TRPM1: variants seen among roughly 807,000 people sequenced by gnomAD.
The protein encoded by TRPM1 is TRPM1-203 APA Isoform, Intron 10.
In TRPM1, 113 loss-of-function variants were observed where a neutral mutation model predicts 149.4. That is an observed-to-expected ratio of 0.76 (90% CI 0.65 to 0.88). TRPM1 has a LOEUF of 0.88. Ranked by LOEUF, TRPM1 falls within the 40% of genes least tolerant of loss-of-function variation. The probability of loss-of-function intolerance (pLI) is 0.00; values close to 1 mark genes in which losing one functional copy is unlikely to be tolerated. For missense variants in TRPM1, 1,976 were observed against 2,038.7 expected (o/e 0.97, Z 0.59); for synonymous variants, 741 against 759.5 (o/e 0.98, Z 0.40).
rs186858319 is a variant in TRPM1, at chr15:31,077,547, C to T, written c.4-563G>A. 5.9e-5 allele frequency among the ~76,000 whole-genome samples: 9 copies of T among 152,222 alleles called. No individual in the cohort carries two copies. The East Asian group carries it at 1.5e-3, about 26-fold the overall frequency. On this transcript the variant is annotated intron_variant, in intron 2 of 27. Coordinates refer to ENST00000256552, the MANE Select transcript of TRPM1 (RefSeq NM_001252024.2). ...GTCTGCTTCCCAGGGTTTGTGGAGTCAGTTGGCAGAGAGAGCTGGGGAGAG... is the reference window on the plus strand; with the variant it reads ...GTCTGCTTCCCAGGGTTTGTGGAGTTAGTTGGCAGAGAGAGCTGGGGAGAG...
chr15:31,126,174 T>C (rs1567069936), intron 1 of TRPM1, among the ~76,000 whole-genome samples: 1 of 151,708 alleles, frequency 6.6e-6, no homozygotes, highest in Non-Finnish European at 1.5e-5. Context: ...CAAAACAAAA[T>C]AAACAGAGTA....
At chr15:31,061,751 C>A (rs2034239772) in intron 9 of TRPM1, among the ~76,000 whole-genome samples, 1 of 150,930 alleles carries the variant, frequency 6.6e-6, no homozygotes, top group Middle Eastern at 3.4e-3. Flanking sequence ...ATGGCGCTAT[C>A]TTGGGTCACT....
At chr15:31,107,406 G>A (rs992514205) in intron 1 of TRPM1, among the ~76,000 whole-genome samples, 2 of 152,098 alleles carry the variant, frequency 1.3e-5, no homozygotes, top group Non-Finnish European at 2.9e-5. Context: ...CATTAGTGAT[G>A]CCCCTTTTTC....
intron 2 of TRPM1, among the ~76,000 whole-genome samples, chr15:31,077,898 T>C (rs1288052914): frequency 1.3e-5 from 2 of 151,954 alleles, no homozygotes; most frequent in African/African-American, 4.8e-5. Context: ...TGGTGTTATG[T>C]GTGTGGTATG....
In TRPM1 at chr15:31,067,105, T is replaced by C; in HGVS notation, c.576A>G (p.Pro192=). The change falls in exon 6 of 28, where the codon CCA becomes CCG. Residue 192 remains proline (P), a synonymous_variant. Transcript: ENST00000256552. The stretch of plus-strand genomic sequence containing the variant: ...CTTCCTTATTCTCCACGATGCCCCA[T>C]GGAGCAATTCCTATAGCACAAACCC... ...RGRVCAIGIA[P]WGIVENKEDL... The C allele has an allele frequency of 1.2e-6, 2 of 1,614,168 alleles. No homozygotes were observed. Among genetic ancestry groups the C allele is most frequent in the East Asian group, 2.2e-5 (1 of 44,890 alleles).
At chr15:31,087,820 A>C (rs1167323126) in intron 1 of TRPM1, among the ~76,000 whole-genome samples, 1 of 152,156 alleles carries the variant, frequency 6.6e-6, no homozygotes, top group Non-Finnish European at 1.5e-5. Context: ...ACTGATAGAG[A>C]CAGGAAATGG....
chr15:31,128,043 A>G (rs1233872998), intron 1 of TRPM1, among the ~76,000 whole-genome samples: 2 of 152,086 alleles, frequency 1.3e-5, no homozygotes, highest in East Asian at 3.9e-4. Context: ...CCAGATCTTT[A>G]TTATCTGGAC....
chr15:31,125,107 G>A (rs904723841), intron 1 of TRPM1, among the ~76,000 whole-genome samples: 2 of 152,052 alleles, frequency 1.3e-5, no homozygotes, highest in African/African-American at 4.8e-5. Context: ...CCTGGGAGGC[G>A]GAGGAGGTTG....
At chr15:31,142,111 CA>C (rs2036170353) in intron 1 of TRPM1, among the ~76,000 whole-genome samples, 1 of 152,120 alleles carries the variant, frequency 6.6e-6, no homozygotes, top group Non-Finnish European at 1.5e-5. Flanking sequence ...GAGTATGTAT[CA>C]ACTAAATGAT....
rs1391919929 is a variant in TRPM1, at chr15:31,120,714, T to G, written c.54+40192A>C. On this transcript the variant is annotated intron_variant, in intron 1 of 26. Coordinates refer to the TRPM1 transcript ENST00000542188. Reference sequence around the variant, plus strand: ...CGTGAAGTATGCTCTCAGACCACAATGGAATTAGACCAAAAAAAAAAAAAT... The same window carrying G: ...CGTGAAGTATGCTCTCAGACCACAAGGGAATTAGACCAAAAAAAAAAAAAT... 3.9e-5 allele frequency among the ~76,000 whole-genome samples: 5 copies of G among 129,784 alleles called. No homozygotes were observed. In the South Asian group the frequency reaches 1.4e-3, roughly 36 times the overall value. 85.1% of individuals were successfully genotyped at this position (129,784 alleles called of 152,430 possible). A position where few individuals can be genotyped will look rare whatever the true frequency, so the allele number is the denominator to read the frequency against.
At position 31,014,865 on chromosome 15, in the gene TRPM1, C is replaced by T. The variant is rs201958307; in HGVS notation, c.3629+11274G>A. ...TCCAGTTCCTCAGAGTTTCCGTTTT[C>T]TATCCTCCAACCAGAAAGCTGGGGC... On this transcript the variant is annotated intron_variant, in intron 27 of 27. Coordinates refer to ENST00000256552, the MANE Select transcript of TRPM1 (RefSeq NM_001252024.2). 2.0e-5 allele frequency among the ~76,000 whole-genome samples: 3 copies of T among 152,124 alleles called. No individual in the cohort carries two copies. In the East Asian group the frequency reaches 5.8e-4, roughly 29 times the overall value.
At position 31,002,307 on chromosome 15, in the gene TRPM1, A is replaced by T; in HGVS notation, c.4393T>A (p.Ser1465Thr). The part of the protein sequence containing the change: ...KTMKSRSFVY[S>T]RGRKLVGGVN... Reference sequence around the variant, plus strand: ...CCACCGACCAGCTTTCTTCCCCGGGAATAGACGAAGCTTCTGGACTTCATT... The same window carrying T: ...CCACCGACCAGCTTTCTTCCCCGGGTATAGACGAAGCTTCTGGACTTCATT... Residue 1465 changes from serine (S) to threonine (T), a missense_variant, in exon 28 of 28, where the codon TCC (serine) becomes ACC (threonine). Around this residue, in one of 3 missense-constraint regions of TRPM1, gnomAD observed 572 missense variants for 578.9 expected, o/e 0.99. Coordinates refer to ENST00000256552, the MANE Select transcript of TRPM1 (RefSeq NM_001252024.2). 6.2e-7 allele frequency: 1 copy of T among 1,614,172 alleles called. No homozygotes were observed. Among genetic ancestry groups the T allele is most frequent in the Non-Finnish European group, 8.5e-7 (1 of 1,180,026 alleles).
chr15:31,110,231 C>T lies in TRPM1; in HGVS notation c.55-33247G>A, dbSNP rs543597576. Among the ~76,000 whole-genome samples the T allele has an allele frequency of 2.0e-5, 3 of 152,196 alleles. No individual in the cohort carries two copies. In the East Asian group the frequency reaches 5.8e-4, roughly 29 times the overall value. ...AATAAAAGTGGTAGGTTAAAAAAAT[C>T]TTCATTTGTAAATTAAATTTATATT... On this transcript the variant is annotated intron_variant, in intron 1 of 26. Coordinates refer to the TRPM1 transcript ENST00000542188.
At chr15:31,008,846 C>A (rs2032085351) in intron 27 of TRPM1, among the ~76,000 whole-genome samples, 1 of 152,164 alleles carries the variant, frequency 6.6e-6, no homozygotes, top group Non-Finnish European at 1.5e-5. Flanking sequence ...TTTCCCATAG[C>A]CCTTTGTGCT....
At chr15:31,141,950 G>C (rs2036168171) in intron 1 of TRPM1, among the ~76,000 whole-genome samples, 2 of 152,182 alleles carry the variant, frequency 1.3e-5, no homozygotes, top group Admixed American at 1.3e-4. Flanking sequence ...ACTGGGTAGA[G>C]TGGCTCACAC....
intron 4 of TRPM1, among the ~76,000 whole-genome samples, chr15:31,068,831 C>G (rs7181834): frequency 0.47 from 70,804 of 150,464 alleles, 16,895 homozygotes; most frequent in East Asian, 0.81. Context: ...AAGGTGCTAT[C>G]TATGAAGCAG....
At chr15:31,050,361 T>A in intron 12 of TRPM1, 48 bp downstream of exon 12, 1 of 1,613,026 alleles carries the variant, frequency 6.2e-7, no homozygotes, top group Non-Finnish European at 8.5e-7. Context: ...TCCCTTCCCC[T>A]GGGGAAGGGT....
At position 31,001,973 on chromosome 15, in the gene TRPM1, T is replaced by C. The variant is rs1293088771; in HGVS notation, c.4727A>G (p.His1576Arg). 3 of 1,614,096 alleles carry C rather than the reference T, an allele frequency of 1.9e-6. No homozygotes were observed. The highest frequency in any genetic ancestry group is 2.5e-6 in the Non-Finnish European group (3 of 1,180,032). ...GGATTTCACATTCCTAGGATGTCCA[T>C]GTAAACTTTTTGACCTGAGAGATGG... ...GFPSLRSKSL[H>R]GHPRNVKSIQ... is the part of the protein sequence containing the mutation. Residue 1576 changes from histidine (H) to arginine (R), a missense_variant, in exon 28 of 28, where the codon CAT becomes CGT. Around this residue, in one of 3 missense-constraint regions of TRPM1, gnomAD observed 572 missense variants for 578.9 expected, o/e 0.99. Coordinates refer to ENST00000256552, the MANE Select transcript of TRPM1 (RefSeq NM_001252024.2).
In TRPM1 at chr15:31,050,401, C is replaced by A. The variant is rs1567019561; in HGVS notation, c.1437+8G>T. 1 of 1,614,176 alleles carries A rather than the reference C, an allele frequency of 6.2e-7. No homozygotes were observed. The stretch of plus-strand genomic sequence containing the variant: ...CCAAGCTCGTGATCTCTGTGACCTT[C>A]CACATACCCAGTTCAGCAGCTCTAT... On this transcript the variant is annotated splice_region_variant and intron_variant, in intron 12 of 27. Transcript: ENST00000256552.
Sources: gnomAD v4.1 joint callset for allele counts (sites outside exome capture counted in the v4.1 genomes callset) on GRCh38, gnomAD v4.1.1 for gene constraint, gnomAD v4.1.1 regional missense constraint, MANE v1.5 for transcripts, NCBI Gene and HGNC (gene_info 2026-07-23, HGNC 2026-07-21) for gene names.